The following NPAS3 variants were observed in gnomAD, a reference collection of about 807,000 sequenced individuals.
NPAS3 encodes the protein neuronal PAS domain protein 3.
In NPAS3, 14 loss-of-function variants were observed where a neutral mutation model predicts 73.1. That is an observed-to-expected ratio of 0.19 (90% CI 0.13 to 0.30). The LOEUF (loss-of-function observed/expected upper bound fraction) is 0.30, where lower values mean the gene tolerates loss of function less well. Ranked by LOEUF, NPAS3 falls within the 10% of genes least tolerant of loss-of-function variation. The pLI, the probability that NPAS3 is intolerant of heterozygous loss-of-function variation, is 1.00. For missense variants in NPAS3, 1,096 were observed against 1,250.0 expected (o/e 0.88, Z 1.86); for synonymous variants, 620 against 541.5 (o/e 1.14, Z -2.01).
intron 4 of NPAS3, among the ~76,000 whole-genome samples, chr14:33,540,477 T>C (rs2054461388): frequency 1.3e-5 from 2 of 152,248 alleles, no homozygotes; most frequent in Admixed American, 1.3e-4. Flanking sequence ...ACAACATTGT[T>C]CCTTCATAAC....
chr14:33,405,163 G>T (rs1441458977), intron 4 of NPAS3, among the ~76,000 whole-genome samples: 1 of 152,036 alleles, frequency 6.6e-6, no homozygotes, highest in African/African-American at 2.4e-5. Flanking sequence ...GCATGTTGCT[G>T]CAGCTCTCTG....
intron 2 of NPAS3, among the ~76,000 whole-genome samples, chr14:33,116,381 T>C (rs1403742186): frequency 6.6e-6 from 1 of 152,150 alleles, no homozygotes; most frequent in Non-Finnish European, 1.5e-5. Context: ...GATGAGCATG[T>C]GTTGTAATTC....
chr14:33,685,721 A>C (rs2060069761), intron 6 of NPAS3, among the ~76,000 whole-genome samples: 1 of 152,224 alleles, frequency 6.6e-6, no homozygotes, highest in African/African-American at 2.4e-5. Context: ...AAATATTCTG[A>C]TAACATTAAT....
At chr14:33,465,326 T>C (rs1175410768) in intron 4 of NPAS3, among the ~76,000 whole-genome samples, 1 of 152,198 alleles carries the variant, frequency 6.6e-6, no homozygotes, top group Non-Finnish European at 1.5e-5. Flanking sequence ...AGTTATATGG[T>C]CAAGCTTAAG....
At chr14:33,454,567 TC>T (rs2049941685) in intron 4 of NPAS3, among the ~76,000 whole-genome samples, 1 of 152,208 alleles carries the variant, frequency 6.6e-6, no homozygotes, top group Non-Finnish European at 1.5e-5. Flanking sequence ...GGATATCTTA[TC>T]CCAGACCTTT....
chr14:33,740,167 G>A (rs2061621382), intron 7 of NPAS3, among the ~76,000 whole-genome samples: 1 of 152,058 alleles, frequency 6.6e-6, no homozygotes, highest in Admixed American at 6.6e-5. Context: ...TCCATTTTAT[G>A]ATGTACTTTC....
At chr14:33,712,512 AC>A (rs2060847149) in intron 6 of NPAS3, among the ~76,000 whole-genome samples, 1 of 152,192 alleles carries the variant, frequency 6.6e-6, no homozygotes, top group African/African-American at 2.4e-5. Context: ...CAAATGCACA[AC>A]TTTTTTAGTG....
At chr14:33,750,167 C>G (rs1020174571) in intron 7 of NPAS3, among the ~76,000 whole-genome samples, 49 of 151,130 alleles carry the variant, frequency 3.2e-4, no homozygotes, top group African/African-American at 1.2e-3. Context: ...GAGGCGTTGT[C>G]AAGAAGGGAT....
At position 33,561,501 on chromosome 14, in the gene NPAS3, A is replaced by G. The variant is rs141444589; in HGVS notation, c.558+1291A>G. 1.1e-3 allele frequency among the ~76,000 whole-genome samples: 172 copies of G among 152,358 alleles called. 2 individuals are homozygous for G. Among genetic ancestry groups the G allele is most frequent in the African/African-American group, 3.9e-3 (163 of 41,598 alleles). ...TTTTATGTGGACTTTAGCAAACCAA[A>G]TGATAGAAACCGAGCTTTTGTTAAC... On this transcript the variant is annotated intron_variant, in intron 5 of 11. Coordinates refer to ENST00000356141, the Ensembl canonical transcript of NPAS3.
At chr14:33,512,283 CG>C (rs1388370066) in intron 4 of NPAS3, among the ~76,000 whole-genome samples, 4 of 149,320 alleles carry the variant, frequency 2.7e-5, no homozygotes, top group South Asian at 4.2e-4. Flanking sequence ...CTTTTTTTTT[CG>C]CCCATTGAGG....
At chr14:33,774,556 C>G (rs765995766) in intron 8 of NPAS3, 26 bp downstream of exon 8, 1 of 1,585,016 alleles carries the variant, frequency 6.3e-7, no homozygotes, top group Admixed American at 1.7e-5. Context: ...TTTCATTTGC[C>G]CTGTTGCACG....
chr14:33,389,054 C>T (rs191353010), intron 4 of NPAS3, among the ~76,000 whole-genome samples: 88 of 152,280 alleles, frequency 5.8e-4, no homozygotes, highest in African/African-American at 2.0e-3. Context: ...CAATAAAAGG[C>T]ACTGTTCCTA....
chr14:33,064,480 G>C (rs1041054534), intron 2 of NPAS3, among the ~76,000 whole-genome samples: 1 of 152,040 alleles, frequency 6.6e-6, no homozygotes, highest in Non-Finnish European at 1.5e-5. Context: ...TGTTACCTTG[G>C]AGCTCACAGA....
chr14:32,982,938 G>A (rs17099798), intron 1 of NPAS3, among the ~76,000 whole-genome samples: 8,911 of 152,234 alleles, frequency 0.059, 504 homozygotes, highest in East Asian at 0.2. Context: ...TGAGGCTACA[G>A]CAGAAATGAA....
intron 3 of NPAS3, among the ~76,000 whole-genome samples, chr14:33,325,183 T>A (rs1390501699): frequency 6.6e-6 from 1 of 152,070 alleles, no homozygotes; most frequent in Non-Finnish European, 1.5e-5. Context: ...AATTTTTAAT[T>A]TTTGTGGGCA....
At chr14:33,280,641 G>A (rs974296986) in intron 3 of NPAS3, among the ~76,000 whole-genome samples, 2 of 152,186 alleles carry the variant, frequency 1.3e-5, no homozygotes, top group African/African-American at 4.8e-5. Context: ...AAGTGTTAAG[G>A]AAGTACAAAG....
At chr14:33,455,926 A>G (rs10083429) in intron 4 of NPAS3, among the ~76,000 whole-genome samples, 2,145 of 152,332 alleles carry the variant, frequency 0.014, 44 homozygotes, top group African/African-American at 0.049. Flanking sequence ...TAAACTATCT[A>G]GTAAGACACA....
chr14:33,728,143 C>G (rs545958891), intron 6 of NPAS3, among the ~76,000 whole-genome samples: 1 of 152,270 alleles, frequency 6.6e-6, no homozygotes, highest in South Asian at 2.1e-4. Flanking sequence ...ACTCTCTTCT[C>G]CCTCAGGGGA....
intron 2 of NPAS3, among the ~76,000 whole-genome samples, chr14:33,097,671 G>A (rs919692421): frequency 1.2e-4 from 19 of 152,152 alleles, no homozygotes; most frequent in African/African-American, 4.1e-4. Flanking sequence ...TCTTTGCCAA[G>A]ATCTGTTTTC....
Sources: gnomAD v4.1 joint callset for allele counts (sites outside exome capture counted in the v4.1 genomes callset) on GRCh38, gnomAD v4.1.1 for gene constraint, MANE v1.5 for transcripts, NCBI Gene and HGNC (gene_info 2026-07-23, HGNC 2026-07-21) for gene names.